TTC28: variants seen among roughly 807,000 people sequenced by gnomAD.
TTC28 encodes the protein tetratricopeptide repeat protein 28.
In TTC28, 61 loss-of-function variants were observed where a neutral mutation model predicts 198.0. The observed-to-expected ratio is 0.31, with a 90% CI of 0.25 to 0.38. The LOEUF (loss-of-function observed/expected upper bound fraction) is 0.38, where lower values mean the gene tolerates loss of function less well. Among genes scored for constraint, TTC28 ranks in the 10% least tolerant of loss-of-function variants. The pLI, the probability that TTC28 is intolerant of heterozygous loss-of-function variation, is 1.00. For synonymous variants in TTC28, 1,171 were observed against 1,297.8 expected (o/e 0.90, Z 2.10); for missense variants, 2,678 against 3,164.0 (o/e 0.85, Z 3.69).
At chr22:28,430,626 G>A (rs1307126981) in intron 2 of TTC28, among the ~76,000 whole-genome samples, 1 of 152,160 alleles carries the variant, frequency 6.6e-6, no homozygotes, top group Non-Finnish European at 1.5e-5. Context: ...GGCAATCATG[G>A]AAAACATGTA....
intron 2 of TTC28, among the ~76,000 whole-genome samples, chr22:28,482,124 TA>T (rs1358241359): frequency 1.3e-5 from 2 of 150,934 alleles, no homozygotes; most frequent in African/African-American, 4.9e-5. Flanking sequence ...ATGAATCAAC[TA>T]GCGCAGCAGA....
chr22:28,302,650 C>G (rs2045050210), intron 3 of TTC28, among the ~76,000 whole-genome samples: 1 of 151,982 alleles, frequency 6.6e-6, no homozygotes, highest in Admixed American at 6.6e-5. Context: ...GGGAAGAAGC[C>G]TATGTTTTTG....
At chr22:28,615,213 T>C (rs1371954003) in intron 2 of TTC28, among the ~76,000 whole-genome samples, 2 of 152,338 alleles carry the variant, frequency 1.3e-5, no homozygotes, top group Admixed American at 1.3e-4. Flanking sequence ...TCATCATCAC[T>C]GGCCATCAGA....
chr22:28,227,304 G>C (rs1027815525), intron 5 of TTC28, among the ~76,000 whole-genome samples: 6 of 152,044 alleles, frequency 3.9e-5, no homozygotes, highest in Admixed American at 1.3e-4. Flanking sequence ...AAAACATTGA[G>C]GAAAAGCTTC....
At chr22:28,501,718 T>A (rs996988883) in intron 2 of TTC28, among the ~76,000 whole-genome samples, 1 of 152,160 alleles carries the variant, frequency 6.6e-6, no homozygotes, top group Admixed American at 6.5e-5. Context: ...AATAAACACC[T>A]AAGTAGTTCT....
intron 2 of TTC28, among the ~76,000 whole-genome samples, chr22:28,555,916 C>A (rs889301156): frequency 9.9e-5 from 15 of 152,016 alleles, no homozygotes; most frequent in Admixed American, 3.9e-4. Flanking sequence ...ACAGATAATT[C>A]TTATTTACAT....
intron 12 of TTC28, among the ~76,000 whole-genome samples, chr22:28,057,844 A>G (rs1419954858): frequency 6.6e-6 from 1 of 152,094 alleles, no homozygotes; most frequent in Non-Finnish European, 1.5e-5. Context: ...GATTTGTTGA[A>G]AAGACTTTCC....
At chr22:28,170,727 T>C (rs562565157) in intron 5 of TTC28, among the ~76,000 whole-genome samples, 1 of 152,220 alleles carries the variant, frequency 6.6e-6, no homozygotes, top group Non-Finnish European at 1.5e-5. Flanking sequence ...CTTTGTTCCT[T>C]CAATGCAACT....
chr22:28,167,232 T>G (rs1271040292), intron 5 of TTC28, among the ~76,000 whole-genome samples: 2 of 152,196 alleles, frequency 1.3e-5, no homozygotes, highest in African/African-American at 2.4e-5. Flanking sequence ...ACAGCCAAAT[T>G]CTACCAGAGG....
At chr22:28,182,071 C>G (rs560175816) in intron 5 of TTC28, among the ~76,000 whole-genome samples, 19 of 152,016 alleles carry the variant, frequency 1.2e-4, no homozygotes, top group Non-Finnish European at 2.2e-4. Context: ...AATTCTCTCA[C>G]TCACTTGAAA....
At chr22:28,003,470 G>A (rs577659454) in intron 14 of TTC28, among the ~76,000 whole-genome samples, 2 of 152,278 alleles carry the variant, frequency 1.3e-5, no homozygotes, top group East Asian at 3.9e-4. Context: ...GCTTTGCTGT[G>A]ACAAGATGCC....
chr22:28,328,480 G>C (rs1028473626), intron 2 of TTC28, among the ~76,000 whole-genome samples: 1 of 151,922 alleles, frequency 6.6e-6, no homozygotes, highest in Non-Finnish European at 1.5e-5. Flanking sequence ...AGGGCCAGGC[G>C]TGATGGCTCA....
chr22:28,419,368 C>T (rs1207994938), intron 2 of TTC28, among the ~76,000 whole-genome samples: 1 of 152,148 alleles, frequency 6.6e-6, no homozygotes, highest in Non-Finnish European at 1.5e-5. Context: ...CCTTGTATTA[C>T]ACTAGGTTGC....
rs1569094722 is a variant in TTC28, at chr22:28,032,192, T to TATATATATATAAAAA, written c.3933-1827_3933-1826insTTTTTATATATATAT. Among the ~76,000 whole-genome samples, 41 of 112,526 alleles carry TATATATATATAAAAA rather than the reference T, an allele frequency of 3.6e-4. 1 individual carries two copies. Among genetic ancestry groups the TATATATATATAAAAA allele is most frequent in the Admixed American group, 8.8e-4 (9 of 10,232 alleles). 73.8% of individuals were successfully genotyped at this position (112,526 alleles called of 152,430 possible). ...TGTATATATATATATATATATAAAA[T>TATATATATATAAAAA]ATATATATATAAAATATATATATAT... is the stretch of plus-strand genomic sequence containing the variant. On this transcript the variant is annotated intron_variant, in intron 12 of 22. Transcript: ENST00000397906.
intron 2 of TTC28, among the ~76,000 whole-genome samples, chr22:28,585,721 G>A (rs1432792765): frequency 6.6e-6 from 1 of 152,112 alleles, no homozygotes; most frequent in Non-Finnish European, 1.5e-5. Context: ...CACCGTGGTG[G>A]AGCTGGGATT....
intron 5 of TTC28, among the ~76,000 whole-genome samples, chr22:28,226,381 C>T (rs1463677370): frequency 6.6e-6 from 1 of 151,986 alleles, no homozygotes; most frequent in African/African-American, 2.4e-5. Flanking sequence ...TTTGCATTTC[C>T]CTAAATACTA....
intron 2 of TTC28, among the ~76,000 whole-genome samples, chr22:28,449,727 G>A (rs2047752708): frequency 6.6e-6 from 1 of 152,140 alleles, no homozygotes; most frequent in East Asian, 1.9e-4. Flanking sequence ...TGTGGAGGAT[G>A]GAAAGAATAG....
At chr22:27,996,585 TA>T (rs1937556142) in intron 16 of TTC28, among the ~76,000 whole-genome samples, 2 of 152,096 alleles carry the variant, frequency 1.3e-5, no homozygotes, top group African/African-American at 4.8e-5. Flanking sequence ...CTTAGGCCTT[TA>T]GGGGGGAACA....
rs143317457 is a variant in TTC28 at position 28,462,968 on chromosome 22, G to A, written c.382-156325C>T. ...TAACTTGAGAGAACTGGCAGAAAGA[G>A]GGACAACAGTACAATAGCTTAAATG... is the stretch of plus-strand genomic sequence containing the variant. On this transcript the variant is annotated intron_variant, in intron 2 of 22. Transcript: ENST00000397906. 1.4e-4 allele frequency among the ~76,000 whole-genome samples: 22 copies of A among 152,198 alleles called. No homozygotes were observed. In the East Asian group the frequency reaches 4.0e-3, roughly 28 times the overall value.
Sources: allele counts gnomAD v4.1 joint callset (sites outside exome capture counted in the v4.1 genomes callset), GRCh38; gene constraint gnomAD v4.1.1; transcripts MANE v1.5; gene names NCBI Gene and HGNC (gene_info 2026-07-23, HGNC 2026-07-21).